Variants in KCNQ1OT1 observed in about 807,000 individuals in gnomAD.
KCNQ1OT1 encodes KCNQ1 antisense RNA 2 (non-protein coding).
chr11:2,667,533 T>C (rs1230801285), exon 1 of KCNQ1OT1: 1 of 290,136 alleles, frequency 3.4e-6, no homozygotes, highest in Non-Finnish European at 6.1e-6. Context: ...ACTTCACAAC[T>C]GCACTGATAT....
chr11:2,630,036 A>G (rs1288949281), exon 1 of KCNQ1OT1: 15 of 397,868 alleles, frequency 3.8e-5, no homozygotes, highest in East Asian at 2.9e-4. Context: ...AGCATTGAGT[A>G]TGATGTTAGC....
Position 2,654,842 on chromosome 11 carries a change from T to C in KCNQ1OT1, n.45153A>G. ...GATAGGAGAGCTCTATGTAGCCTCA[T>C]GGGCAGCTCCAGGCCAGGTGGAGGG... is the stretch of plus-strand genomic sequence containing the variant. On this transcript the variant is annotated non_coding_transcript_exon_variant, in exon 1 of 1. Coordinates refer to ENST00000597346, the Ensembl canonical transcript of KCNQ1OT1. The surrounding 1 kb of genome is among the most constrained non-coding windows in gnomAD (Gnocchi z 6.4). The C allele has an allele frequency of 7.5e-6, 3 of 398,568 alleles. No individual in the cohort carries two copies. Among genetic ancestry groups the C allele is most frequent in the East Asian group, 3.6e-5 (1 of 28,070 alleles). 24.7% of individuals were successfully genotyped at this position (398,568 alleles called of 1,614,324 possible).
exon 1 of KCNQ1OT1, chr11:2,609,947 G>T (rs908537924): frequency 5.0e-6 from 2 of 397,838 alleles, no homozygotes; most frequent in African/African-American, 4.1e-5. Context: ...GATGGATCCT[G>T]TTTTTCAAAT....
chr11:2,663,640 C>A lies in KCNQ1OT1; in HGVS notation n.36355G>T. ...ACCAGCATCCAGACATGCAAAAAGT[C>A]CTACTGGGAGGAGAGGGCCATCACC... is the stretch of plus-strand genomic sequence containing the variant. On this transcript the variant is annotated non_coding_transcript_exon_variant, in exon 1 of 1. Transcript: ENST00000597346. This position sits in a 1 kb window ranked among gnomAD's most constrained non-coding sequence, Gnocchi z 5.2. The A allele has an allele frequency of 2.5e-6, 1 of 398,654 alleles. No homozygotes were observed. The highest frequency in any genetic ancestry group is 1.3e-4 in the South Asian group (1 of 7,818). 24.7% of individuals were successfully genotyped at this position (398,654 alleles called of 1,614,324 possible).
chr11:2,650,346 C>A (rs1409794908), exon 1 of KCNQ1OT1: 3 of 398,182 alleles, frequency 7.5e-6, no homozygotes, highest in Non-Finnish European at 1.3e-5. Context: ...TTTTTGTGTC[C>A]CCAAGTTGAT....
chr11:2,680,206 TAAAA>T (rs139249507), exon 1 of KCNQ1OT1: 1,056 of 358,298 alleles, frequency 2.9e-3, no homozygotes, highest in East Asian at 0.011. Flanking sequence ...CTTGCCTAAT[TAAAA>T]AAAAAAAAAA....
rs1849877721 is a variant in KCNQ1OT1, at chr11:2,657,874, G to A, written n.42121C>T. On this transcript the variant is annotated non_coding_transcript_exon_variant, in exon 1 of 1. Coordinates refer to ENST00000597346, the Ensembl canonical transcript of KCNQ1OT1. The surrounding 1 kb of genome is among the most constrained non-coding windows in gnomAD (Gnocchi z 4.8). Reference sequence around the variant, plus strand: ...CAGGGTTATAGGTTTAGGGGAAGGAGGCCAGTGAGGTGAGATGCTTTCCTC... The same window carrying A: ...CAGGGTTATAGGTTTAGGGGAAGGAAGCCAGTGAGGTGAGATGCTTTCCTC... 2.5e-6 allele frequency: 1 copy of A among 398,484 alleles called. No individual in the cohort carries two copies. Among genetic ancestry groups the A allele is most frequent in the African/African-American group, 2.1e-5 (1 of 48,622 alleles). The allele number at this position is 398,484 out of a possible 1,614,324, so 24.7% of individuals were successfully genotyped here.
rs568595146 is a variant in KCNQ1OT1 at position 2,676,134 on chromosome 11, T to A, written n.23861A>T. The A allele has an allele frequency of 2.5e-6, 1 of 398,544 alleles. No homozygotes were observed. Among genetic ancestry groups the A allele is most frequent in the Non-Finnish European group, 4.4e-6 (1 of 226,068 alleles). The allele number at this position is 398,544 out of a possible 1,614,324, so 24.7% of individuals were successfully genotyped here. A position where few individuals can be genotyped will look rare whatever the true frequency, so the allele number is the denominator to read the frequency against. ...TAGATACGGCTCCTTTTTATACAAA[T>A]GGTAGCATACTGTATGTATTTTTCT... On this transcript the variant is annotated non_coding_transcript_exon_variant, in exon 1 of 1. Transcript: ENST00000597346. This position sits in a 1 kb window ranked among gnomAD's most constrained non-coding sequence, Gnocchi z 4.2.
exon 1 of KCNQ1OT1, chr11:2,650,386 C>G (rs1849738737): frequency 2.5e-6 from 1 of 398,516 alleles, no homozygotes; most frequent in Non-Finnish European, 4.4e-6. Flanking sequence ...CAGAGACTTC[C>G]AATTTTATGG....
At chr11:2,667,596 C>CG (rs1373200180) in exon 1 of KCNQ1OT1, 93 of 79,632 alleles carry the variant, frequency 1.2e-3, no homozygotes, top group East Asian at 9.6e-3. Context: ...CGGGGTTGGG[C>CG]GGGGGGCACA....
rs1850314593 is a variant in KCNQ1OT1, at chr11:2,677,499, C to T, written n.22496G>A. The stretch of plus-strand genomic sequence containing the variant: ...ATGCCATACTTCTACAAAAAATGAT[C>T]CTCTCTGTGGAAGTGCTGCCAACAT... On this transcript the variant is annotated non_coding_transcript_exon_variant, in exon 1 of 1. Transcript: ENST00000597346. The surrounding 1 kb of genome is among the most constrained non-coding windows in gnomAD (Gnocchi z 4.5). The T allele has an allele frequency of 2.5e-6, 1 of 398,438 alleles. No individual in the cohort carries two copies. Among genetic ancestry groups the T allele is most frequent in the African/African-American group, 2.1e-5 (1 of 48,684 alleles). The allele number at this position is 398,438 out of a possible 1,614,324, so 24.7% of individuals were successfully genotyped here. A position where few individuals can be genotyped will look rare whatever the true frequency, so the allele number is the denominator to read the frequency against.
At chr11:2,622,083 G>T in exon 1 of KCNQ1OT1, 1 of 398,244 alleles carries the variant, frequency 2.5e-6, no homozygotes, top group South Asian at 1.3e-4. Context: ...ACTGTCATTT[G>T]TCTGAAGATA....
exon 1 of KCNQ1OT1, chr11:2,619,435 G>A (rs1289476944): frequency 2.5e-6 from 1 of 398,394 alleles, no homozygotes; most frequent in Non-Finnish European, 4.4e-6. Flanking sequence ...ATGATCATGT[G>A]GTTTTCATCT....
At position 2,659,563 on chromosome 11, in the gene KCNQ1OT1, C is replaced by T. The variant is rs1309556413; in HGVS notation, n.40432G>A. 1 of 398,436 alleles carries T rather than the reference C, an allele frequency of 2.5e-6. No homozygotes were observed. The highest frequency in any genetic ancestry group is 4.4e-6 in the Non-Finnish European group (1 of 226,036). The allele number at this position is 398,436 out of a possible 1,614,324, so 24.7% of individuals were successfully genotyped here. On this transcript the variant is annotated non_coding_transcript_exon_variant, in exon 1 of 1. Transcript: ENST00000597346. The surrounding 1 kb of genome is among the most constrained non-coding windows in gnomAD (Gnocchi z 4.3). Reference sequence around the variant, plus strand: ...GGTAATTATGAGCAGAGTTACTATACACATTTATGTACAGGTTTTTGCGAA... The same window carrying T: ...GGTAATTATGAGCAGAGTTACTATATACATTTATGTACAGGTTTTTGCGAA...
At position 2,621,552 on chromosome 11, in the gene KCNQ1OT1, C is replaced by T; in HGVS notation, n.78443G>A. On this transcript the variant is annotated non_coding_transcript_exon_variant, in exon 1 of 1. Coordinates refer to ENST00000597346, the Ensembl canonical transcript of KCNQ1OT1. The surrounding 1 kb of genome is among the most constrained non-coding windows in gnomAD (Gnocchi z 5.7). The stretch of plus-strand genomic sequence containing the variant: ...GCTATGCAGAAGCTCTTTAGTTTAC[C>T]ACTGTGATCTCTTTGCTATTGGTCT... 3 of 398,328 alleles carry T rather than the reference C, an allele frequency of 7.5e-6. No individual in the cohort carries two copies. The highest frequency in any genetic ancestry group is 1.3e-5 in the Non-Finnish European group (3 of 225,982). The allele number at this position is 398,328 out of a possible 1,614,324, so 24.7% of individuals were successfully genotyped here.
In KCNQ1OT1 at chr11:2,612,755, G is replaced by A. The variant is rs1006885280; in HGVS notation, n.87240C>T. 27 of 398,298 alleles carry A rather than the reference G, an allele frequency of 6.8e-5. No individual in the cohort carries two copies. Among genetic ancestry groups the A allele is most frequent in the Non-Finnish European group, 1.2e-4 (26 of 226,016 alleles). The allele number at this position is 398,298 out of a possible 1,614,324, so 24.7% of individuals were successfully genotyped here. A position where few individuals can be genotyped will look rare whatever the true frequency, so the allele number is the denominator to read the frequency against. ...CCTTCAGAGATAATTCCTATTTATT[G>A]CTCATTATTCTTGTTCAAGGGTCAC... On this transcript the variant is annotated non_coding_transcript_exon_variant, in exon 1 of 1. Transcript: ENST00000597346. The surrounding 1 kb of genome is among the most constrained non-coding windows in gnomAD (Gnocchi z 5.5).
exon 1 of KCNQ1OT1, chr11:2,631,996 C>T (rs1849361530): frequency 7.6e-6 from 3 of 396,040 alleles, no homozygotes; most frequent in African/African-American, 2.1e-5. Context: ...TCCTGGCTAA[C>T]ATGGTGAAAC....
At position 2,646,334 on chromosome 11, in the gene KCNQ1OT1, G is replaced by T; in HGVS notation, n.53661C>A. The T allele has an allele frequency of 7.5e-6, 3 of 398,500 alleles. No individual in the cohort carries two copies. In the South Asian group the frequency reaches 3.8e-4, roughly 51 times the overall value. The allele number at this position is 398,500 out of a possible 1,614,324, so 24.7% of individuals were successfully genotyped here. A position where few individuals can be genotyped will look rare whatever the true frequency, so the allele number is the denominator to read the frequency against. On this transcript the variant is annotated non_coding_transcript_exon_variant, in exon 1 of 1. Transcript: ENST00000597346. The stretch of plus-strand genomic sequence containing the variant: ...TTTTAACATTTTTCTTTCAATCCAT[G>T]AGCATGGGATGTCTCAAAAAATTTT...
Position 2,647,358 on chromosome 11 carries a change from G to A in KCNQ1OT1, n.52637C>T, listed in dbSNP as rs766246219. 5.5e-5 allele frequency: 22 copies of A among 398,350 alleles called. No individual in the cohort carries two copies. Among genetic ancestry groups the A allele is most frequent in the Non-Finnish European group, 8.0e-5 (18 of 226,030 alleles). The allele number at this position is 398,350 out of a possible 1,614,324, so 24.7% of individuals were successfully genotyped here. A position where few individuals can be genotyped will look rare whatever the true frequency, so the allele number is the denominator to read the frequency against. On this transcript the variant is annotated non_coding_transcript_exon_variant, in exon 1 of 1. Transcript: ENST00000597346. The surrounding 1 kb of genome is among the most constrained non-coding windows in gnomAD (Gnocchi z 4.0). ...TTATGGTGTATTATCTTTTTGATGT[G>A]CGATTGGATTCAGATTGCTAGTTTG...
Sources: allele counts gnomAD v4.1 joint callset, GRCh38; gene constraint gnomAD v4.1.1; non-coding constraint Gnocchi (gnomAD v3.1); transcripts MANE v1.5; gene names NCBI Gene and HGNC (gene_info 2026-07-23, HGNC 2026-07-21).